The following SDK2 variants were observed in gnomAD, a reference collection of about 807,000 sequenced individuals.
SDK2 encodes the protein sidekick cell adhesion molecule 2, also known as protein sidekick-2.
Under a neutral mutation model 253.9 loss-of-function variants are expected in SDK2, and 105 were observed. The observed-to-expected ratio is 0.41, with a 90% CI of 0.35 to 0.49. The LOEUF is 0.49. Ranked by LOEUF, SDK2 falls within the 20% of genes least tolerant of loss-of-function variation. The probability of loss-of-function intolerance (pLI) is 0.06; values close to 1 mark genes in which losing one functional copy is unlikely to be tolerated. For missense variants in SDK2, 2,608 were observed against 3,003.0 expected, an observed-to-expected ratio of 0.87 and a Z score of 3.07; for synonymous variants, 1,249 against 1,234.9, an observed-to-expected ratio of 1.01 and a Z score of -0.24.
intron 1 of SDK2, among the ~76,000 whole-genome samples, chr17:73,589,524 A>G (rs1647733765): frequency 6.6e-6 from 1 of 152,220 alleles, no homozygotes; most frequent in African/African-American, 2.4e-5. Context: ...AGCTTGGCCA[A>G]GCTGCTTACT....
At chr17:73,572,036 T>C (rs1289011673) in intron 1 of SDK2, among the ~76,000 whole-genome samples, 4 of 151,996 alleles carry the variant, frequency 2.6e-5, no homozygotes, top group Admixed American at 1.3e-4. Context: ...CTCCCTATGA[T>C]GGGGATGTGC....
intron 8 of SDK2, among the ~76,000 whole-genome samples, chr17:73,437,355 G>A (rs1305427271): frequency 6.6e-6 from 1 of 152,078 alleles, no homozygotes; most frequent in African/African-American, 2.4e-5. Flanking sequence ...GAGCAAAATG[G>A]CCCAGGAAAC....
chr17:73,510,597 G>A (rs1002836518), intron 1 of SDK2, among the ~76,000 whole-genome samples: 3 of 152,128 alleles, frequency 2.0e-5, no homozygotes, highest in Admixed American at 6.5e-5. Context: ...CCTCTGGGGC[G>A]CAGGTGATCC....
chr17:73,379,852 T>C lies in SDK2; in HGVS notation c.4763-303A>G, dbSNP rs1023473523. 6.6e-6 allele frequency among the ~76,000 whole-genome samples: 1 copy of C among 151,988 alleles called. No individual in the cohort carries two copies. ...AATATTTACACCGGGACAACCAGTGTAAACCAAAGCTGTCCTGGGCATGCC... is the reference window on the plus strand; with the variant it reads ...AATATTTACACCGGGACAACCAGTGCAAACCAAAGCTGTCCTGGGCATGCC... On this transcript the variant is annotated intron_variant, in intron 34 of 44. Coordinates refer to ENST00000392650, the MANE Select transcript of SDK2 (RefSeq NM_001144952.2). This position sits in a 1 kb window ranked among gnomAD's most constrained non-coding sequence, Gnocchi z 4.5.
intron 2 of SDK2, among the ~76,000 whole-genome samples, chr17:73,501,720 A>G (rs909194421): frequency 1.3e-5 from 2 of 152,222 alleles, no homozygotes; most frequent in Non-Finnish European, 2.9e-5. Context: ...GGGGTTTGTT[A>G]TCAGATCTGT....
In SDK2 at chr17:73,534,118, A is replaced by G. The variant is rs2064194661; in HGVS notation, c.65-26521T>C. ...CCTCCTCCTTCCCACTCTCCTTCCA[A>G]TAAGCCCCTAGAAGGCCTGGGGATG... On this transcript the variant is annotated intron_variant, in intron 1 of 44. Coordinates refer to ENST00000392650, the MANE Select transcript of SDK2 (RefSeq NM_001144952.2). The surrounding 1 kb of genome is among the most constrained non-coding windows in gnomAD (Gnocchi z 4.9). Among the ~76,000 whole-genome samples, 1 of 151,794 alleles carries G rather than the reference A, an allele frequency of 6.6e-6. No homozygotes were observed. The highest frequency in any genetic ancestry group is 1.5e-5 in the Non-Finnish European group (1 of 67,958).
At chr17:73,495,027 A>C (rs1599619972) in intron 2 of SDK2, among the ~76,000 whole-genome samples, 1 of 152,194 alleles carries the variant, frequency 6.6e-6, no homozygotes, top group South Asian at 2.1e-4. Context: ...GAGGTGTTGT[A>C]CCTGCCCCGG....
At chr17:73,356,917 G>T (rs985834133) in intron 40 of SDK2, among the ~76,000 whole-genome samples, 42 of 152,314 alleles carry the variant, frequency 2.8e-4, no homozygotes, top group African/African-American at 9.1e-4. Flanking sequence ...CAGAGTCAGG[G>T]GCCAACATTC....
intron 1 of SDK2, among the ~76,000 whole-genome samples, chr17:73,621,638 A>C (rs960639710): frequency 2.0e-5 from 3 of 151,870 alleles, no homozygotes; most frequent in African/African-American, 7.2e-5. Context: ...AATGTATGAA[A>C]ATTTTAGAAC....
At position 73,389,165 on chromosome 17, in the gene SDK2, C is replaced by T. The variant is rs546850157; in HGVS notation, c.4192+1122G>A. 3.4e-5 allele frequency among the ~76,000 whole-genome samples: 5 copies of T among 148,810 alleles called. No individual in the cohort carries two copies. In the South Asian group the frequency reaches 1.1e-3, roughly 32 times the overall value. ...GGGACTACAGATGTACACCACCACACCTGGCTGATATTCCTTTCTTTTTTT... is the reference window on the plus strand; with the variant it reads ...GGGACTACAGATGTACACCACCACATCTGGCTGATATTCCTTTCTTTTTTT... On this transcript the variant is annotated intron_variant, in intron 29 of 44. Transcript: ENST00000392650.
chr17:73,415,094 TG>T (rs34792027), intron 17 of SDK2, among the ~76,000 whole-genome samples: 21,905 of 152,176 alleles, frequency 0.14, 1,736 homozygotes, highest in Middle Eastern at 0.24. Context: ...GGTCCCCATA[TG>T]CCTGGAGCCT....
chr17:73,638,881 C>T (rs2046363977), intron 1 of SDK2, among the ~76,000 whole-genome samples: 1 of 149,634 alleles, frequency 6.7e-6, no homozygotes, highest in Admixed American at 6.7e-5. Flanking sequence ...ACGATCTCAG[C>T]TCACTGCCAC....
At chr17:73,493,610 C>T (rs1180634759) in intron 2 of SDK2, among the ~76,000 whole-genome samples, 2 of 152,234 alleles carry the variant, frequency 1.3e-5, no homozygotes, top group Non-Finnish European at 2.9e-5. Flanking sequence ...CTTTACCTCT[C>T]TGGGCCTCAG....
At chr17:73,396,459 C>T (rs547123799) in intron 24 of SDK2, among the ~76,000 whole-genome samples, 1 of 152,132 alleles carries the variant, frequency 6.6e-6, no homozygotes, top group South Asian at 2.1e-4. Flanking sequence ...TCACCCTAGG[C>T]TGACCCACTT....
At position 73,416,007 on chromosome 17, in the gene SDK2, C is replaced by T. The variant is rs377638484; in HGVS notation, c.2187-15G>A. ...CCAGGCAGTACCTGAGGGGAAGAGG[C>T]GAGGCACAGTGGAGTCAGAGTCAGC... On this transcript the variant is annotated splice_polypyrimidine_tract_variant and intron_variant, in intron 16 of 44. Coordinates refer to ENST00000392650, the MANE Select transcript of SDK2 (RefSeq NM_001144952.2). 2.1e-5 allele frequency: 33 copies of T among 1,603,710 alleles called. No individual in the cohort carries two copies. Among genetic ancestry groups the T allele is most frequent in the Non-Finnish European group, 2.6e-5 (31 of 1,175,614 alleles).
At chr17:73,429,070 T>C (rs1167449794) in intron 12 of SDK2, among the ~76,000 whole-genome samples, 1 of 152,218 alleles carries the variant, frequency 6.6e-6, no homozygotes, top group Non-Finnish European at 1.5e-5. Context: ...ACAATGTATG[T>C]CTTTCTCAAA....
chr17:73,446,181 C>T (rs117645201), intron 5 of SDK2, among the ~76,000 whole-genome samples: 103 of 152,224 alleles, frequency 6.8e-4, no homozygotes, highest in Middle Eastern at 3.4e-3. Flanking sequence ...TACCAAATGA[C>T]GGGATTCCAT....
intron 1 of SDK2, among the ~76,000 whole-genome samples, chr17:73,525,856 T>A (rs906750375): frequency 6.6e-6 from 1 of 152,204 alleles, no homozygotes; most frequent in Non-Finnish European, 1.5e-5. Flanking sequence ...CAACCATTCA[T>A]TCTTTCACTC....
At chr17:73,601,830 G>A (rs1219573028) in intron 1 of SDK2, among the ~76,000 whole-genome samples, 1 of 151,754 alleles carries the variant, frequency 6.6e-6, no homozygotes, top group East Asian at 1.9e-4. Flanking sequence ...TGCAGCCTCC[G>A]CCTCCTGGGT....
Sources: allele counts gnomAD v4.1 joint callset (sites outside exome capture counted in the v4.1 genomes callset), GRCh38; gene constraint gnomAD v4.1.1; non-coding constraint Gnocchi (gnomAD v3.1); transcripts MANE v1.5; gene names NCBI Gene and HGNC (gene_info 2026-07-23, HGNC 2026-07-21).